ATP13A4: variants seen among roughly 807,000 people sequenced by gnomAD.
The protein encoded by ATP13A4 is probable cation-transporting ATPase 13A4.
Under a neutral mutation model 142.5 loss-of-function variants are expected in ATP13A4, and 114 were observed. That is an observed-to-expected ratio of 0.80 (90% confidence interval 0.69 to 0.93). The LOEUF (loss-of-function observed/expected upper bound fraction) is 0.93. ATP13A4 is among the 40% of genes least tolerant of loss of function. The pLI, the probability that ATP13A4 is intolerant of heterozygous loss-of-function variation, is 0.00. For synonymous variants in ATP13A4, 488 were observed against 514.8 expected (o/e 0.95, Z 0.70); for missense variants, 1,392 against 1,454.0 (o/e 0.96, Z 0.69).
chr3:193,480,366 G>T (rs938348400), intron 8 of ATP13A4, among the ~76,000 whole-genome samples: 6 of 152,084 alleles, frequency 3.9e-5, no homozygotes, highest in African/African-American at 1.4e-4. Flanking sequence ...GAAAATCTTT[G>T]CAATCTATAC....
chr3:193,496,306 A>C (rs1720221058), intron 3 of ATP13A4, among the ~76,000 whole-genome samples: 1 of 152,236 alleles, frequency 6.6e-6, no homozygotes, highest in South Asian at 2.1e-4. Flanking sequence ...GCATCATACT[A>C]TCTGACTTCA....
chr3:193,404,772 C>T (rs1714410418), intron 29 of ATP13A4, among the ~76,000 whole-genome samples: 1 of 152,106 alleles, frequency 6.6e-6, no homozygotes, highest in South Asian at 2.1e-4. Context: ...CATAAATTAC[C>T]CCGTTTCAGG....
intron 2 of ATP13A4, among the ~76,000 whole-genome samples, chr3:193,512,388 C>G (rs1344093545): frequency 3.3e-5 from 5 of 152,102 alleles, no homozygotes; most frequent in African/African-American, 1.2e-4. Flanking sequence ...GAGGGCCACT[C>G]ATAGCACTTT....
chr3:193,583,414 C>CACAGTG (rs1724610481), intron 1 of ATP13A4, among the ~76,000 whole-genome samples: 1 of 151,372 alleles, frequency 6.6e-6, no homozygotes, highest in Non-Finnish European at 1.5e-5. Flanking sequence ...GCCTGGGAGA[C>CACAGTG]AGACTCCATC....
chr3:193,410,541 C>T (rs192839328), intron 28 of ATP13A4, among the ~76,000 whole-genome samples: 1 of 152,172 alleles, frequency 6.6e-6, no homozygotes, highest in East Asian at 1.9e-4. Context: ...AGCAAGCCCT[C>T]ATCTCTACAA....
At chr3:193,569,528 GTTGTTT>G (rs1332342161) in intron 2 of ATP13A4, among the ~76,000 whole-genome samples, 4 of 151,546 alleles carry the variant, frequency 2.6e-5, no homozygotes, top group Non-Finnish European at 4.4e-5. Context: ...TTTTTTTGTT[GTTGTTT>G]TTGTTTTTGT....
intron 14 of ATP13A4, among the ~76,000 whole-genome samples, chr3:193,457,775 G>A (rs1717720346): frequency 6.6e-6 from 1 of 152,202 alleles, no homozygotes; most frequent in Admixed American, 6.5e-5. Flanking sequence ...TGCACATGAA[G>A]GGCCAGACTT....
intron 25 of ATP13A4, among the ~76,000 whole-genome samples, chr3:193,415,175 G>T (rs1372088537): frequency 1.3e-5 from 2 of 152,198 alleles, no homozygotes; most frequent in Non-Finnish European, 2.9e-5. Context: ...AATCAGAGAT[G>T]TGAAAAAATA....
intron 1 of ATP13A4, among the ~76,000 whole-genome samples, chr3:193,549,637 C>T (rs1289532804): frequency 6.6e-6 from 1 of 152,056 alleles, no homozygotes; most frequent in Non-Finnish European, 1.5e-5. Flanking sequence ...TCAGACCAGC[C>T]TGGGCAACAT....
At chr3:193,433,295 T>C (rs1576955427) in intron 25 of ATP13A4, among the ~76,000 whole-genome samples, 1 of 152,314 alleles carries the variant, frequency 6.6e-6, no homozygotes, top group Admixed American at 6.5e-5. Flanking sequence ...CCTCTCATTT[T>C]TGTTGTGAAC....
At chr3:193,578,229 G>C (rs1320318488) in intron 2 of ATP13A4, among the ~76,000 whole-genome samples, 2 of 152,090 alleles carry the variant, frequency 1.3e-5, no homozygotes, top group Non-Finnish European at 2.9e-5. Context: ...GGAGACGGAG[G>C]TTGCAGTGAG....
chr3:193,561,423 C>T (rs1341767285), intron 2 of ATP13A4, among the ~76,000 whole-genome samples: 1 of 152,152 alleles, frequency 6.6e-6, no homozygotes, highest in Non-Finnish European at 1.5e-5. Context: ...TGCTGGTTAC[C>T]TCTTTCATCA....
intron 1 of ATP13A4, among the ~76,000 whole-genome samples, chr3:193,551,406 C>T (rs796422261): frequency 1.3e-5 from 2 of 151,496 alleles, no homozygotes; most frequent in African/African-American, 4.8e-5. Flanking sequence ...AGCAAGACTC[C>T]GTGTAACAAA....
In ATP13A4 at chr3:193,428,485, T is replaced by C. The variant is rs148531459; in HGVS notation, c.2842+5360A>G. 4.7e-3 allele frequency among the ~76,000 whole-genome samples: 717 copies of C among 152,236 alleles called. 4 individuals are homozygous for C. The highest frequency in any genetic ancestry group is 0.027 in the Middle Eastern group (8 of 294). ...TAAATCATGCTGCTACAAAGACACA[T>C]GCACATGTATGTTTATTGTGGCACT... On this transcript the variant is annotated intron_variant, in intron 25 of 29. Transcript: ENST00000342695.
At chr3:193,544,923 G>C (rs1723139083) in intron 1 of ATP13A4, among the ~76,000 whole-genome samples, 1 of 152,026 alleles carries the variant, frequency 6.6e-6, no homozygotes, top group Non-Finnish European at 1.5e-5. Flanking sequence ...TGCCAGATTT[G>C]GGTATATTAT....
intron 18 of ATP13A4, 33 bp downstream of exon 18, chr3:193,448,173 C>A: frequency 4.3e-6 from 7 of 1,612,332 alleles, no homozygotes; most frequent in Non-Finnish European, 5.9e-6. Flanking sequence ...ACATCAAATT[C>A]TTACTGTTTT....
At chr3:193,545,629 T>C (rs1723176381) in intron 1 of ATP13A4, among the ~76,000 whole-genome samples, 1 of 152,160 alleles carries the variant, frequency 6.6e-6, no homozygotes, top group African/African-American at 2.4e-5. Context: ...AGCCTTGAAA[T>C]GGGCACCCAA....
intron 9 of ATP13A4, among the ~76,000 whole-genome samples, chr3:193,468,747 A>C (rs1718450615): frequency 2.0e-5 from 3 of 152,210 alleles, no homozygotes; most frequent in African/African-American, 7.2e-5. Context: ...ACTCTGTCTC[A>C]AAAAAGGAAA....
chr3:193,573,273 A>ACGTATATATATATATATTCT (rs1724311908), intron 2 of ATP13A4, among the ~76,000 whole-genome samples: 1 of 81,668 alleles, frequency 1.2e-5, no homozygotes, highest in Non-Finnish European at 2.6e-5. Flanking sequence ...ATATATATAT[A>ACGTATATATATATATATTCT]TACATATATA....
Sources: allele counts gnomAD v4.1 joint callset (sites outside exome capture counted in the v4.1 genomes callset), GRCh38; gene constraint gnomAD v4.1.1; transcripts MANE v1.5; gene names NCBI Gene and HGNC (gene_info 2026-07-23, HGNC 2026-07-21).